Variants in AQP7 observed in about 807,000 individuals in gnomAD.
The protein encoded by AQP7 is aquaporin 7, also known as aquaporin-7.
AQP7 carries 22 observed loss-of-function variants against 26.1 expected under a neutral mutation model. That is an observed-to-expected ratio of 0.84 (90% CI 0.60 to 1.20). The LOEUF is 1.20. AQP7 is among the 50% of genes most tolerant of loss of function. AQP7 has a pLI of 0.00. For missense variants in AQP7, 412 were observed against 457.5 expected (o/e 0.90, Z 0.91); for synonymous variants, 167 against 181.7 (o/e 0.92, Z 0.65).
chr9:33,387,651 T>G (rs1824984390), intron 3 of AQP7, among the ~76,000 whole-genome samples: 2 of 152,014 alleles, frequency 1.3e-5, no homozygotes, highest in South Asian at 4.1e-4. Flanking sequence ...AGCTGCTGCT[T>G]CTTGCCCATC....
intron 3 of AQP7, among the ~76,000 whole-genome samples, chr9:33,388,588 A>G (rs1483173441): frequency 2.6e-5 from 4 of 152,204 alleles, no homozygotes; most frequent in African/African-American, 7.2e-5. Flanking sequence ...AATAATAACC[A>G]TTTATTGAGC....
At chr9:33,393,091 A>G (rs1306747174) in intron 3 of AQP7, among the ~76,000 whole-genome samples, 1 of 152,128 alleles carries the variant, frequency 6.6e-6, no homozygotes, top group African/African-American at 2.4e-5. Flanking sequence ...AGCTGAGCAC[A>G]CTGGCACGCG....
Position 33,384,926 on chromosome 9 carries a change from GC to G in AQP7, c.*78del. The G allele has an allele frequency of 8.9e-6, 13 of 1,463,712 alleles. No homozygotes were observed. Among genetic ancestry groups the G allele is most frequent in the Middle Eastern group, 2.6e-4 (1 of 3,920 alleles). 90.7% of individuals were successfully genotyped at this position (1,463,712 alleles called of 1,614,324 possible). A position where few individuals can be genotyped will look rare whatever the true frequency, so the allele number is the denominator to read the frequency against. The stretch of plus-strand genomic sequence containing the variant: ...CAGGAGGGAAGCCCAACCACAGGAG[GC>G]CCCCAGGAAGTGGGGGTACTGCTGT... On this transcript the variant is annotated 3_prime_UTR_variant, in exon 8 of 8. Transcript: ENST00000297988.
intron 3 of AQP7, among the ~76,000 whole-genome samples, chr9:33,392,803 C>A (rs982768598): frequency 2.0e-5 from 3 of 152,198 alleles, no homozygotes; most frequent in Non-Finnish European, 4.4e-5. Context: ...GAGGAGAGAG[C>A]AGCTAGAGCA....
intron 2 of AQP7, among the ~76,000 whole-genome samples, chr9:33,400,735 G>A (rs550428080): frequency 8.5e-5 from 13 of 152,152 alleles, no homozygotes; most frequent in African/African-American, 1.7e-4. Context: ...AACCCGGGAG[G>A]AGGAGGTTGC....
intron 2 of AQP7, among the ~76,000 whole-genome samples, chr9:33,397,113 A>AG (rs1365777622): frequency 6.6e-6 from 1 of 151,788 alleles, no homozygotes; most frequent in Non-Finnish European, 1.5e-5. Context: ...AAAAAAAAAA[A>AG]AAAAAAGCTT....
chr9:33,399,344 C>G (rs1400365666), intron 2 of AQP7, among the ~76,000 whole-genome samples: 1 of 151,990 alleles, frequency 6.6e-6, no homozygotes, highest in Non-Finnish European at 1.5e-5. Flanking sequence ...CCTGTAATCC[C>G]AACACTTTAG....
intron 3 of AQP7, among the ~76,000 whole-genome samples, chr9:33,391,107 A>T (rs1587117195): frequency 6.6e-6 from 1 of 152,224 alleles, no homozygotes; most frequent in Admixed American, 6.5e-5. Context: ...ACTCGGTCTC[A>T]AAATAAATAA....
At chr9:33,399,458 C>T (rs1826085865) in intron 2 of AQP7, among the ~76,000 whole-genome samples, 1 of 151,736 alleles carries the variant, frequency 6.6e-6, no homozygotes, top group South Asian at 2.1e-4. Flanking sequence ...ATTAGCTGGG[C>T]ATGGTGGCAG....
In AQP7 at chr9:33,386,528, G is replaced by A. The variant is rs79202054; in HGVS notation, c.282C>T (p.Asn94=). 91 of 1,612,074 alleles carry A rather than the reference G, an allele frequency of 5.6e-5. No individual in the cohort carries two copies. Among genetic ancestry groups the A allele is most frequent in the Middle Eastern group, 3.3e-4 (2 of 6,038 alleles). ...CACAGTTAGCAAAGGTCACAGCTGC[G>A]TTCATGTGGGCTCCTGCGGGCAGCA... The part of the protein sequence containing the change: ...VAGRISGAHM[N]AAVTFANCAL... Residue 94 remains asparagine, a synonymous_variant, in exon 5 of 8, where the codon AAC becomes AAT. Transcript: ENST00000297988.
chr9:33,393,209 CAGAG>C (rs1825567726), intron 3 of AQP7, among the ~76,000 whole-genome samples: 1 of 152,146 alleles, frequency 6.6e-6, no homozygotes, highest in South Asian at 2.1e-4. Context: ...TCCTAGGAGA[CAGAG>C]TGAGACCCTG....
intron 1 of AQP7, chr9:33,401,635 T>C (rs3860982): frequency 0.072 from 22,583 of 313,442 alleles, 1,013 homozygotes; most frequent in Admixed American, 0.11. Context: ...TAACCTCAAG[T>C]CCTCTTGCTG....
At chr9:33,393,948 C>T (rs1479560956) in intron 3 of AQP7, 1 of 152,646 alleles carries the variant, frequency 6.6e-6, no homozygotes, top group Non-Finnish European at 1.5e-5. Context: ...CTTCATTCCT[C>T]AGGGCTCTGT....
intron 1 of AQP7, 52 bp from the exon 2 acceptor site, chr9:33,401,339 C>T (rs1285594695): frequency 1.9e-5 from 27 of 1,458,574 alleles, no homozygotes; most frequent in Non-Finnish European, 2.3e-5. Flanking sequence ...AACTTGGCCC[C>T]ACACTTCCAT....
At chr9:33,401,197 G>C (rs1826250160) in intron 2 of AQP7, 40 bp downstream of exon 2, 1 of 1,546,878 alleles carries the variant, frequency 6.5e-7, no homozygotes, top group South Asian at 1.2e-5. Flanking sequence ...CTGGGTGAAG[G>C]ACAGGGGGCT....
intron 3 of AQP7, among the ~76,000 whole-genome samples, chr9:33,393,380 C>A (rs2380995): frequency 1.2e-3 from 187 of 152,350 alleles, no homozygotes; most frequent in African/African-American, 4.0e-3. Flanking sequence ...TTAAGCCATG[C>A]AGAGACATGC....
chr9:33,385,033 T>C lies in AQP7; in HGVS notation c.1001A>G (p.His334Arg), dbSNP rs1205026401. The C allele has an allele frequency of 3.7e-6, 6 of 1,611,630 alleles. No homozygotes were observed. Among genetic ancestry groups the C allele is most frequent in the East Asian group, 2.2e-5 (1 of 44,870 alleles). ...RSSVHPAPPL[H>R]ESMALEHF ...GAAGTGCTCTAGGGCCATGGATTCA[T>C]GTAAGGGTGGGGCAGGGTGGACTGA... The change falls in exon 8 of 8, where the codon CAT becomes CGT. Residue 334 changes from histidine (H) to arginine (R), a missense_variant. Physicochemically the swap from His to Arg is conservative, Grantham distance 29. Transcript: ENST00000297988.
intron 2 of AQP7, among the ~76,000 whole-genome samples, chr9:33,399,349 C>A (rs1407891644): frequency 6.6e-6 from 1 of 152,064 alleles, no homozygotes; most frequent in South Asian, 2.1e-4. Flanking sequence ...AATCCCAACA[C>A]TTTAGGAGGC....
intron 2 of AQP7, among the ~76,000 whole-genome samples, chr9:33,400,448 G>A (rs1313051273): frequency 1.3e-5 from 2 of 152,116 alleles, no homozygotes; most frequent in Non-Finnish European, 2.9e-5. Context: ...AGGGAGACTA[G>A]TCACCAGAGG....
Sources: gnomAD v4.1 joint callset for allele counts (sites outside exome capture counted in the v4.1 genomes callset) on GRCh38, gnomAD v4.1.1 for gene constraint, MANE v1.5 for transcripts, NCBI Gene and HGNC (gene_info 2026-07-23, HGNC 2026-07-21) for gene names.